Variants in TUBB8B observed in about 807,000 individuals in gnomAD.
The protein encoded by TUBB8B is HSA18p11 beta-tubulin 4Q pseudogene.
A neutral mutation model predicts 31.9 loss-of-function variants in TUBB8B; 26 were observed. That is an observed-to-expected ratio of 0.81 (90% CI 0.60 to 1.13). The LOEUF is 1.13. TUBB8B is among the 50% of genes most tolerant of loss of function. The pLI, the probability that TUBB8B is intolerant of heterozygous loss-of-function variation, is 0.00. For synonymous variants in TUBB8B, 173 were observed against 231.0 expected (o/e 0.75, Z 2.28); for missense variants, 467 against 586.7 (o/e 0.80, Z 2.11).
At chr18:67,886 C>T in the TUBB8B span, among the ~76,000 whole-genome samples, 1 of 152,094 alleles carries the variant, frequency 6.6e-6, no homozygotes, top group African/African-American at 2.4e-5. Flanking sequence ...ATATGACACT[C>T]GTAAGACTGA....
chr18:71,352 A>G, the TUBB8B span, among the ~76,000 whole-genome samples: 5 of 152,062 alleles, frequency 3.3e-5, no homozygotes, highest in East Asian at 9.7e-4. Flanking sequence ...GTTAGAGATC[A>G]GCCTGACCAA....
chr18:49,741 G>A (rs1273255031), upstream of TUBB8B: 1 of 685,872 alleles, frequency 1.5e-6, no homozygotes, highest in Non-Finnish European at 2.7e-6. Context: ...GAATCCCTTG[G>A]CGTTGAACGT....
At chr18:54,025 G>C (rs1030195240), upstream of TUBB8B, among the ~76,000 whole-genome samples, 1 of 151,584 alleles carries the variant, frequency 6.6e-6, no homozygotes, top group Non-Finnish European at 1.5e-5. Context: ...TAAAGAACAG[G>C]GTTCCCTGCA....
upstream of TUBB8B, chr18:50,160 G>T: frequency 3.1e-6 from 1 of 319,432 alleles, no homozygotes; most frequent in South Asian, 2.6e-5. Context: ...GAGGACTGCG[G>T]TCTCCACACA....
the TUBB8B span, among the ~76,000 whole-genome samples, chr18:67,855 G>A: frequency 6.6e-6 from 1 of 151,978 alleles, no homozygotes; most frequent in Non-Finnish European, 1.5e-5. Flanking sequence ...CCATAATACT[G>A]ATACGACACC....
the TUBB8B span, among the ~76,000 whole-genome samples, chr18:60,963 T>A: frequency 6.6e-6 from 1 of 151,768 alleles, no homozygotes; most frequent in Non-Finnish European, 1.5e-5. Context: ...AAATATCTAT[T>A]AGGTTCATTT....
the TUBB8B span, among the ~76,000 whole-genome samples, chr18:72,801 C>A: frequency 6.6e-6 from 1 of 152,014 alleles, no homozygotes; most frequent in Non-Finnish European, 1.5e-5. Context: ...AACCCCGTCT[C>A]TACTAAAAAT....
chr18:49,438 G>A (rs567567521), intron 1 of TUBB8B, 63 bp downstream of exon 1: 18 of 925,580 alleles, frequency 1.9e-5, no homozygotes, highest in Middle Eastern at 3.2e-4. Context: ...TCCCGCCACT[G>A]CCAACATCTT....
chr18:67,878 A>G, the TUBB8B span, among the ~76,000 whole-genome samples: 17 of 152,302 alleles, frequency 1.1e-4, no homozygotes, highest in African/African-American at 4.1e-4. Flanking sequence ...TAAGGCTGAT[A>G]TGACACTCGT....
chr18:59,703 C>A, the TUBB8B span, among the ~76,000 whole-genome samples: 1 of 151,578 alleles, frequency 6.6e-6, no homozygotes, highest in Admixed American at 6.6e-5. Context: ...ACCACTCCAC[C>A]TGGCTAATTT....
chr18:69,984 C>A, the TUBB8B span, among the ~76,000 whole-genome samples: 1 of 151,998 alleles, frequency 6.6e-6, no homozygotes, highest in East Asian at 2.0e-4. Flanking sequence ...TGGCGAAACC[C>A]AGGCTCTACT....
rs1317037190 is a variant in TUBB8B at position 48,988 on chromosome 18, G to A, written c.229C>T (p.His77Tyr). ...AAGACCTGCCCGAAGGGCCCCGAGT[G>A]CACAGAGTCCATGGTGCCCGGCTCC... ...DLEPGTMDSV[H>Y]SGPFGQVFRP... is the part of the protein sequence containing the mutation. The change falls in exon 3 of 4, where the codon CAC becomes TAC. Residue 77 changes from histidine (H) to tyrosine (Y), a missense_variant. Around this residue, in one of 2 missense-constraint regions of TUBB8B, gnomAD observed 259 missense variants for 380.1 expected, o/e 0.68. Transcript: ENST00000308911. 3 of 1,609,482 alleles carry A rather than the reference G, an allele frequency of 1.9e-6. No individual in the cohort carries two copies. The highest frequency in any genetic ancestry group is 1.3e-5 in the African/African-American group (1 of 74,704).
upstream of TUBB8B, among the ~76,000 whole-genome samples, chr18:53,348 C>T (rs1370250961): frequency 6.6e-6 from 1 of 151,796 alleles, no homozygotes; most frequent in Non-Finnish European, 1.5e-5. Flanking sequence ...TGAAATTAGT[C>T]CTCAAAGATT....
At chr18:67,972 A>C in the TUBB8B span, among the ~76,000 whole-genome samples, 1 of 152,160 alleles carries the variant, frequency 6.6e-6, no homozygotes, top group Admixed American at 6.5e-5. Flanking sequence ...CACCCACAAT[A>C]CTGCTATGAC....
the TUBB8B span, among the ~76,000 whole-genome samples, chr18:72,196 A>AAAAAAAAAAAAAAAAAAAAAAAAAC: frequency 3.6e-3 from 307 of 84,344 alleles, 33 homozygotes; most frequent in East Asian, 0.036. Flanking sequence ...AAAAAAAAAA[A>AAAAAAAAAAAAAAAAAAAAAAAAAC]AAAGGAAAAA....
the TUBB8B span, among the ~76,000 whole-genome samples, chr18:63,576 T>C: frequency 6.6e-6 from 1 of 151,184 alleles, no homozygotes; most frequent in African/African-American, 2.4e-5. Context: ...CAAGGCCCAC[T>C]GTAACGACAA....
At chr18:59,365 C>A in the TUBB8B span, among the ~76,000 whole-genome samples, 4 of 151,436 alleles carry the variant, frequency 2.6e-5, no homozygotes, top group African/African-American at 9.7e-5. Flanking sequence ...AGAGGAAAGG[C>A]TTTTAGTTTT....
chr18:72,384 AACTT>A, the TUBB8B span, among the ~76,000 whole-genome samples: 1 of 152,182 alleles, frequency 6.6e-6, no homozygotes, highest in Non-Finnish European at 1.5e-5. Context: ...CATTTCAACT[AACTT>A]AGGATGAGAA....
the TUBB8B span, among the ~76,000 whole-genome samples, chr18:69,589 A>G: frequency 6.6e-6 from 1 of 152,206 alleles, no homozygotes; most frequent in African/African-American, 2.4e-5. Flanking sequence ...GTCAATTTCT[A>G]TTACTGGAGA....
Sources: gnomAD v4.1 joint callset for allele counts (sites outside exome capture counted in the v4.1 genomes callset) on GRCh38, gnomAD v4.1.1 for gene constraint, gnomAD v4.1.1 regional missense constraint, MANE v1.5 for transcripts, NCBI Gene and HGNC (gene_info 2026-07-23, HGNC 2026-07-21) for gene names.